NAE1: variants seen among roughly 807,000 people sequenced by gnomAD.
NAE1 encodes NEDD8 activating enzyme E1 subunit 1, also known as NEDD8-activating enzyme E1 regulatory subunit.
In NAE1, 59 loss-of-function variants were observed where a neutral mutation model predicts 88.0. That is an observed-to-expected ratio of 0.67 (90% CI 0.54 to 0.83). The LOEUF (loss-of-function observed/expected upper bound fraction) is 0.83. Ranked by LOEUF, NAE1 falls within the 40% of genes least tolerant of loss-of-function variation. The pLI is 0.00. For missense variants in NAE1, 554 were observed against 632.8 expected (o/e 0.88, Z 1.34); for synonymous variants, 186 against 208.9 (o/e 0.89, Z 0.95).
At chr16:66,820,016 G>A (rs1960189293) in intron 7 of NAE1, among the ~76,000 whole-genome samples, 1 of 152,110 alleles carries the variant, frequency 6.6e-6, no homozygotes, top group Admixed American at 6.5e-5. Flanking sequence ...AAAATAAAAT[G>A]TTTACATGGT....
At chr16:66,821,166 A>G (rs1960241841) in intron 7 of NAE1, among the ~76,000 whole-genome samples, 1 of 152,202 alleles carries the variant, frequency 6.6e-6, no homozygotes, top group South Asian at 2.1e-4. Context: ...TACATGCCCA[A>G]TGTGGGTTAG....
chr16:66,811,993 G>A (rs1041036431), intron 13 of NAE1, among the ~76,000 whole-genome samples: 4 of 152,256 alleles, frequency 2.6e-5, no homozygotes, highest in South Asian at 2.1e-4. Flanking sequence ...CTAACTATAC[G>A]AGGGTCATAT....
At chr16:66,817,671 T>C (rs1343783043) in intron 8 of NAE1, among the ~76,000 whole-genome samples, 184 bp from the exon 9 acceptor site, 1 of 152,160 alleles carries the variant, frequency 6.6e-6, no homozygotes, top group Admixed American at 6.6e-5. Flanking sequence ...ATACCTAGTA[T>C]GTCACATATA....
intron 1 of NAE1, among the ~76,000 whole-genome samples, chr16:66,828,584 G>A (rs1960561225): frequency 6.6e-6 from 1 of 152,038 alleles, no homozygotes; most frequent in Admixed American, 6.6e-5. Context: ...TGAGGCAGGA[G>A]GATCACTCCA....
At chr16:66,830,813 C>T in intron 1 of NAE1, 34 bp downstream of exon 1, 1 of 1,508,068 alleles carries the variant, frequency 6.6e-7, no homozygotes, top group Non-Finnish European at 8.8e-7. Flanking sequence ...GAAAGCCCGC[C>T]GGCCCGCCCT....
At chr16:66,810,641 T>A in intron 14 of NAE1, 56 bp downstream of exon 14, 1 of 1,503,036 alleles carries the variant, frequency 6.7e-7, no homozygotes, top group Non-Finnish European at 9.2e-7. Flanking sequence ...CTAAACCCTT[T>A]CTGGCTGGAG....
In NAE1 at chr16:66,823,607, A is replaced by G; in HGVS notation, c.250-7T>C. The G allele has an allele frequency of 6.3e-7, 1 of 1,585,546 alleles. No homozygotes were observed. The highest frequency in any genetic ancestry group is 8.5e-7 in the Non-Finnish European group (1 of 1,172,508). ...TGGCAGCTTCAGCTCGGTTCTTTTT[A>G]AAAACAAAGCATTTAACTTGAATTA... On this transcript the variant is annotated splice_polypyrimidine_tract_variant and splice_region_variant and intron_variant, in intron 4 of 19. Transcript: ENST00000290810.
At chr16:66,823,355 A>T in intron 5 of NAE1, 49 bp from the exon 6 acceptor site, 1 of 1,461,530 alleles carries the variant, frequency 6.8e-7, no homozygotes, top group African/African-American at 1.4e-5. Context: ...CCAATTTCAC[A>T]ATCATATTAA....
At position 66,818,599 on chromosome 16, in the gene NAE1, G is replaced by A. The variant is rs1317080797; in HGVS notation, c.550C>T (p.Arg184Ter). Residue 184 changes from arginine to a stop codon, truncating the protein, a stop_gained, in exon 8 of 20, where the codon CGA (arginine) becomes TGA (stop). Transcript: ENST00000290810. LOFTEE classifies it high-confidence loss of function. Reference sequence around the variant, plus strand: ...AGTTCAGGAAATGGCTTATCTAGTCGTAGATCCTCTAATGCATTATCTGGA... The same window carrying A: ...AGTTCAGGAAATGGCTTATCTAGTCATAGATCCTCTAATGCATTATCTGGA... ...SHPDNALEDL[R>*]LDKPFPELRE... 3.1e-6 allele frequency: 5 copies of A among 1,612,126 alleles called. No homozygotes were observed. The highest frequency in any genetic ancestry group is 2.2e-5 in the East Asian group (1 of 44,752).
chr16:66,824,240 C>T (rs1205445871), intron 4 of NAE1, among the ~76,000 whole-genome samples: 3 of 152,164 alleles, frequency 2.0e-5, no homozygotes, highest in African/African-American at 7.2e-5. Flanking sequence ...TAATCCTGTA[C>T]AAGAGTGGTT....
At chr16:66,820,199 C>A (rs887015045) in intron 7 of NAE1, among the ~76,000 whole-genome samples, 1 of 152,190 alleles carries the variant, frequency 6.6e-6, no homozygotes, top group African/African-American at 2.4e-5. Flanking sequence ...ACCACATTAG[C>A]AGAGTGCTTG....
rs773091143 is a variant in NAE1, at chr16:66,809,039, C to T, written c.1187G>A (p.Arg396Gln). The change falls in exon 16 of 20, where the codon CGA becomes CAA. Residue 396 changes from arginine (R) to glutamine (Q), a missense_variant. Coordinates refer to ENST00000290810, the MANE Select transcript of NAE1 (RefSeq NM_003905.4). ...CAAACCATATTCTTCAGCTAAGGAT[C>T]GACATCTTACCACTCGAAGAAATGC... Reference protein sequence around the residue: ...NSAFLRVVRCRSLAEEYGLDT... With the variant: ...NSAFLRVVRCQSLAEEYGLDT... The T allele has an allele frequency of 3.7e-6, 6 of 1,612,624 alleles. No homozygotes were observed. Among genetic ancestry groups the T allele is most frequent in the South Asian group, 1.1e-5 (1 of 90,904 alleles).
At chr16:66,808,953 A>T in intron 16 of NAE1, 36 bp downstream of exon 16, 1 of 1,382,102 alleles carries the variant, frequency 7.2e-7, no homozygotes, top group South Asian at 1.4e-5. Context: ...TAAATTAATT[A>T]AAATTAACCC....
chr16:66,814,843 C>T (rs929637668), intron 11 of NAE1, among the ~76,000 whole-genome samples: 3 of 152,156 alleles, frequency 2.0e-5, no homozygotes, highest in Non-Finnish European at 4.4e-5. Flanking sequence ...CCCTTTCTGC[C>T]TCTCCAAACT....
chr16:66,818,100 T>C (rs999477598), intron 8 of NAE1, among the ~76,000 whole-genome samples: 2 of 152,208 alleles, frequency 1.3e-5, no homozygotes, highest in Admixed American at 6.5e-5. Flanking sequence ...CGTTTATCCT[T>C]TATGTTACAA....
chr16:66,807,048 G>A (rs1394030676), intron 17 of NAE1, among the ~76,000 whole-genome samples: 2 of 152,126 alleles, frequency 1.3e-5, no homozygotes, highest in Non-Finnish European at 2.9e-5. Context: ...CCACTGTTCT[G>A]ACTAAGGTGC....
chr16:66,821,666 A>G (rs557710706), intron 6 of NAE1, 107 bp from the exon 7 acceptor site: 2 of 913,834 alleles, frequency 2.2e-6, no homozygotes, highest in South Asian at 4.2e-5. Context: ...CTTACTAAAT[A>G]ATAGATGCAA....
At chr16:66,815,808 C>T (rs752880548) in intron 11 of NAE1, among the ~76,000 whole-genome samples, 30 of 151,538 alleles carry the variant, frequency 2.0e-4, no homozygotes, top group Admixed American at 5.3e-4. Context: ...ATTACAGGTG[C>T]CCACCACCAT....
At chr16:66,810,676 A>C (rs750713493) in intron 14 of NAE1, 21 bp downstream of exon 14, 14 of 1,609,594 alleles carry the variant, frequency 8.7e-6, no homozygotes, top group Admixed American at 1.7e-5. Flanking sequence ...CTGTATGGGC[A>C]CAGTGTGCCC....
Sources: gnomAD v4.1 joint callset for allele counts (sites outside exome capture counted in the v4.1 genomes callset) on GRCh38, gnomAD v4.1.1 for gene constraint, MANE v1.5 for transcripts, NCBI Gene and HGNC (gene_info 2026-07-23, HGNC 2026-07-21) for gene names.